Variants in TMEM200A observed in about 807,000 individuals in gnomAD.
TMEM200A encodes the protein transmembrane protein 200A.
A neutral mutation model predicts 24.3 loss-of-function variants in TMEM200A; 12 were observed. That is an observed-to-expected ratio of 0.49 (90% confidence interval 0.32 to 0.80). The LOEUF (loss-of-function observed/expected upper bound fraction) is 0.80, where lower values mean the gene tolerates loss of function less well. Ranked by LOEUF, TMEM200A falls within the 30% of genes least tolerant of loss-of-function variation. TMEM200A has a pLI of 0.04. For missense variants in TMEM200A, 545 were observed against 614.4 expected (o/e 0.89, Z 1.19); for synonymous variants, 224 against 224.4 (o/e 1.00, Z 0.02).
intron 2 of TMEM200A, among the ~76,000 whole-genome samples, chr6:130,432,957 T>C (rs1437061015): frequency 2.0e-5 from 3 of 152,088 alleles, no homozygotes; most frequent in African/African-American, 7.2e-5. Context: ...CTAGGTCTTC[T>C]GCCTCAAGTG....
Position 130,440,639 on chromosome 6 carries a change from A to C in TMEM200A, c.217A>C (p.Ile73Leu). The change falls in exon 3 of 3, where the codon ATT (isoleucine) becomes CTT (leucine). Residue 73 changes from isoleucine to leucine, a missense_variant. By Grantham distance (5) the Ile-to-Leu change is conservative. Transcript: ENST00000296978. ...FFLILGVLISIIGIAMAVLGY... is the reference protein window; with the variant it reads ...FFLILGVLISLIGIAMAVLGY... ...TCTTATTTTAGGAGTGCTCATCTCC[A>C]TTATAGGAATTGCTATGGCCGTTCT... is the stretch of plus-strand genomic sequence containing the variant. 6.2e-7 allele frequency: 1 copy of C among 1,613,904 alleles called. No homozygotes were observed. The highest frequency in any genetic ancestry group is 8.5e-7 in the Non-Finnish European group (1 of 1,179,812).
chr6:130,365,849 G>A (rs530433367), upstream of TMEM200A: 6 of 985,660 alleles, frequency 6.1e-6, no homozygotes, highest in South Asian at 2.8e-4. Flanking sequence ...CGTCCTCCAG[G>A]AGGAGTGGGT....
intron 1 of TMEM200A, among the ~76,000 whole-genome samples, chr6:130,378,871 G>T (rs1375015624): frequency 6.6e-6 from 1 of 152,166 alleles, no homozygotes; most frequent in Admixed American, 6.5e-5. Context: ...AAAAAGAAAG[G>T]AAATACATTT....
At chr6:130,380,772 TTA>T (rs1036319512) in intron 1 of TMEM200A, among the ~76,000 whole-genome samples, 2 of 152,220 alleles carry the variant, frequency 1.3e-5, no homozygotes, top group African/African-American at 4.8e-5. Flanking sequence ...TACATTTATT[TTA>T]TGTTTCTCTA....
intron 2 of TMEM200A, among the ~76,000 whole-genome samples, chr6:130,401,293 T>C (rs776903571): frequency 8.6e-5 from 13 of 151,992 alleles, no homozygotes; most frequent in Non-Finnish European, 1.6e-4. Context: ...AGTATTCCAT[T>C]GTTCAGCTAG....
chr6:130,365,754 CG>C, upstream of TMEM200A: 2 of 985,544 alleles, frequency 2.0e-6, no homozygotes, highest in Non-Finnish European at 2.4e-6. Flanking sequence ...GTTTTGTCTG[CG>C]GGTGATTTGG....
At chr6:130,415,578 G>T (rs866108902) in intron 2 of TMEM200A, among the ~76,000 whole-genome samples, 2 of 151,988 alleles carry the variant, frequency 1.3e-5, no homozygotes. Flanking sequence ...AGGATGTGGG[G>T]GTCTCTTTGA....
chr6:130,366,096 T>G lies in TMEM200A; in HGVS notation c.-509T>G. ...TCTTGGACGCGGTGGCGGCGCCGCC[T>G]GAGCGGCGACTCCCTCTCCCCTGCC... On this transcript the variant is annotated 5_prime_UTR_variant, in exon 1 of 3. Transcript: ENST00000296978. This position sits in a 1 kb window ranked among gnomAD's most constrained non-coding sequence, Gnocchi z 4.4. The G allele has an allele frequency of 4.1e-6, 4 of 985,514 alleles. No homozygotes were observed. The highest frequency in any genetic ancestry group is 4.8e-6 in the Non-Finnish European group (4 of 830,078). The allele number at this position is 985,514 out of a possible 1,614,324, so 61.0% of individuals were successfully genotyped here. A position where few individuals can be genotyped will look rare whatever the true frequency, so the allele number is the denominator to read the frequency against.
rs200412944 is a variant in TMEM200A, at chr6:130,411,299, G to GT, written c.-17+26071dup. 3.9e-4 allele frequency among the ~76,000 whole-genome samples: 60 copies of GT among 152,044 alleles called. No individual in the cohort carries two copies. The East Asian group carries it at 0.011, about 29-fold the overall frequency. ...ACAAATAAATGCCATTTTTAAAAGA[G>GT]TTTTTTTTAAATTTTATAATTACAG... On this transcript the variant is annotated intron_variant, in intron 2 of 2. Transcript: ENST00000296978.
chr6:130,394,253 A>G (rs1459087534), intron 2 of TMEM200A, among the ~76,000 whole-genome samples: 1 of 152,204 alleles, frequency 6.6e-6, no homozygotes, highest in African/African-American at 2.4e-5. Context: ...TTAAAGAGAA[A>G]TGCTGAACTG....
intron 2 of TMEM200A, among the ~76,000 whole-genome samples, chr6:130,396,879 G>A (rs1168174331): frequency 1.3e-5 from 2 of 152,090 alleles, no homozygotes; most frequent in Non-Finnish European, 2.9e-5. Context: ...TCTTCCCCCG[G>A]CATTCCATGT....
intron 2 of TMEM200A, among the ~76,000 whole-genome samples, chr6:130,415,770 G>A (rs965443479): frequency 1.3e-5 from 2 of 152,174 alleles, no homozygotes; most frequent in African/African-American, 4.8e-5. Context: ...ATGATGTGTA[G>A]CTGAATTATT....
intron 2 of TMEM200A, among the ~76,000 whole-genome samples, chr6:130,393,966 A>C (rs1398473344): frequency 1.3e-5 from 2 of 152,192 alleles, no homozygotes; most frequent in African/African-American, 4.8e-5. Context: ...TACAGATTGA[A>C]TATCACATAT....
chr6:130,400,061 TAC>T (rs906565489), intron 2 of TMEM200A, among the ~76,000 whole-genome samples: 2 of 151,734 alleles, frequency 1.3e-5, no homozygotes, highest in Non-Finnish European at 2.9e-5. Flanking sequence ...TATATATACA[TAC>T]ACACACATAT....
intron 2 of TMEM200A, among the ~76,000 whole-genome samples, chr6:130,431,099 T>C (rs950562442): frequency 2.0e-5 from 3 of 152,200 alleles, no homozygotes; most frequent in Non-Finnish European, 4.4e-5. Flanking sequence ...TGTAGACTTA[T>C]GTATATAAGA....
intron 2 of TMEM200A, among the ~76,000 whole-genome samples, chr6:130,431,014 T>C (rs1464753922): frequency 1.3e-5 from 2 of 152,222 alleles, no homozygotes; most frequent in African/African-American, 4.8e-5. Flanking sequence ...AGATGGCTCC[T>C]TATTTAGAGC....
At chr6:130,391,152 T>C (rs1778823002) in intron 2 of TMEM200A, among the ~76,000 whole-genome samples, 2 of 151,690 alleles carry the variant, frequency 1.3e-5, no homozygotes, top group Non-Finnish European at 2.9e-5. Context: ...GGTAGTGTGA[T>C]GTCTTTCTCT....
chr6:130,382,806 T>C (rs1778631076), intron 1 of TMEM200A, among the ~76,000 whole-genome samples: 1 of 152,216 alleles, frequency 6.6e-6, no homozygotes, highest in South Asian at 2.1e-4. Flanking sequence ...GGGTAATGAC[T>C]GAGCCCCACT....
At chr6:130,390,856 T>G (rs1400448849) in intron 2 of TMEM200A, among the ~76,000 whole-genome samples, 4 of 152,192 alleles carry the variant, frequency 2.6e-5, no homozygotes, top group Non-Finnish European at 5.9e-5. Flanking sequence ...CAGCTCACCT[T>G]CATCACAATA....
Sources: allele counts gnomAD v4.1 joint callset (sites outside exome capture counted in the v4.1 genomes callset), GRCh38; gene constraint gnomAD v4.1.1; non-coding constraint Gnocchi (gnomAD v3.1); transcripts MANE v1.5; gene names NCBI Gene and HGNC (gene_info 2026-07-23, HGNC 2026-07-21).